The following TMEM132D variants were observed in gnomAD, a reference collection of about 807,000 sequenced individuals.
TMEM132D encodes transmembrane protein 132D.
TMEM132D carries 21 observed loss-of-function variants against 62.3 expected under a neutral mutation model. The ratio of observed to expected loss-of-function variants is 0.34; its 90% CI spans 0.24 to 0.49. The LOEUF (loss-of-function observed/expected upper bound fraction) is 0.49, where lower values mean the gene tolerates loss of function less well. Among genes scored for constraint, TMEM132D ranks in the 20% least tolerant of loss-of-function variants. The pLI is 0.99. For missense variants in TMEM132D, 1,346 were observed against 1,402.8 expected (o/e 0.96, Z 0.65); for synonymous variants, 621 against 575.6 (o/e 1.08, Z -1.13).
chr12:129,080,386 A>G (rs1168323373), intron 7 of TMEM132D, among the ~76,000 whole-genome samples: 1 of 152,198 alleles, frequency 6.6e-6, no homozygotes, highest in Non-Finnish European at 1.5e-5. Flanking sequence ...CTTTCAGCAC[A>G]CACCCAGCCT....
At chr12:129,534,516 GT>G (rs1321513301) in intron 2 of TMEM132D, among the ~76,000 whole-genome samples, 5 of 152,074 alleles carry the variant, frequency 3.3e-5, no homozygotes, top group Non-Finnish European at 7.4e-5. Flanking sequence ...CACACACAGA[GT>G]TTCAAGTACA....
At chr12:129,518,918 A>G (rs1260921175) in intron 3 of TMEM132D, among the ~76,000 whole-genome samples, 1 of 152,212 alleles carries the variant, frequency 6.6e-6, no homozygotes, top group African/African-American at 2.4e-5. Flanking sequence ...AAAAATTTTA[A>G]TGAAGGTTGG....
At chr12:129,088,304 A>C (rs865896963) in intron 5 of TMEM132D, among the ~76,000 whole-genome samples, 5 of 30,780 alleles carry the variant, frequency 1.6e-4, no homozygotes, top group Non-Finnish European at 2.6e-4. Context: ...GGTGTCCTCC[A>C]TGACCGGGTG....
rs879262670 is a variant in TMEM132D at position 129,491,953 on chromosome 12, A to AAAAT, written c.1115+39105_1115+39106insATTT. Among the ~76,000 whole-genome samples, 426 of 151,678 alleles carry AAAAT rather than the reference A, an allele frequency of 2.8e-3. 1 individual carries two copies. The highest frequency in any genetic ancestry group is 9.8e-3 in the African/African-American group (406 of 41,280). ...TGAGATTCTGTCTCAAAAAAAAAAA[A>AAAAT]TTGCTTATTGGAAAGCTATCTCTAA... is the stretch of plus-strand genomic sequence containing the variant. On this transcript the variant is annotated intron_variant, in intron 3 of 8. Transcript: ENST00000422113.
At chr12:129,612,844 C>T (rs1428619851) in intron 2 of TMEM132D, among the ~76,000 whole-genome samples, 3 of 152,132 alleles carry the variant, frequency 2.0e-5, no homozygotes, top group Non-Finnish European at 2.9e-5. Context: ...TCCAGCCTGG[C>T]GACAGAGCGA....
At chr12:129,081,625 A>ATTTC in intron 7 of TMEM132D, 134 bp downstream of exon 7, 2 of 1,322,242 alleles carry the variant, frequency 1.5e-6, no homozygotes, top group Non-Finnish European at 1.0e-6. Context: ...TTACTCCACA[A>ATTTC]TTTCTTTGAA....
At position 129,196,223 on chromosome 12, in the gene TMEM132D, G is replaced by T. The variant is rs961264531; in HGVS notation, c.1443+13297C>A. Among the ~76,000 whole-genome samples, 3 of 152,196 alleles carry T rather than the reference G, an allele frequency of 2.0e-5. No homozygotes were observed. In the South Asian group the frequency reaches 6.2e-4, roughly 32 times the overall value. On this transcript the variant is annotated intron_variant, in intron 5 of 8. Coordinates refer to ENST00000422113, the MANE Select transcript of TMEM132D (RefSeq NM_133448.3). ...TTTAAATCCATGCAATTTGACTCAGGAGCTAAATGCTTAAGCAGCATGTTA... is the reference window on the plus strand; with the variant it reads ...TTTAAATCCATGCAATTTGACTCAGTAGCTAAATGCTTAAGCAGCATGTTA...
intron 5 of TMEM132D, chr12:129,086,092 C>A (rs562374094): frequency 6.6e-6 from 1 of 152,358 alleles, no homozygotes; most frequent in South Asian, 2.1e-4. Context: ...GGTACAACTG[C>A]ATCACTCTAG....
chr12:129,638,992 A>G (rs751763574), intron 2 of TMEM132D, among the ~76,000 whole-genome samples: 3 of 152,318 alleles, frequency 2.0e-5, no homozygotes, highest in Non-Finnish European at 4.4e-5. Flanking sequence ...TACATTTCCA[A>G]CCATCAAGAT....
intron 5 of TMEM132D, among the ~76,000 whole-genome samples, chr12:129,144,141 G>A (rs992083545): frequency 3.3e-5 from 5 of 152,016 alleles, no homozygotes; most frequent in African/African-American, 1.2e-4. Flanking sequence ...AATGAAGTAA[G>A]GTAGGGAGAA....
At chr12:129,875,223 G>A (rs1874376601) in intron 1 of TMEM132D, among the ~76,000 whole-genome samples, 1 of 152,204 alleles carries the variant, frequency 6.6e-6, no homozygotes, top group South Asian at 2.1e-4. Flanking sequence ...AAGTGCGCAA[G>A]GTCGTGGCTT....
At chr12:129,677,468 C>G (rs367931025) in intron 2 of TMEM132D, among the ~76,000 whole-genome samples, 2 of 152,204 alleles carry the variant, frequency 1.3e-5, no homozygotes, top group Admixed American at 1.3e-4. Flanking sequence ...GGCATGAGAA[C>G]AGACTGATAC....
intron 1 of TMEM132D, among the ~76,000 whole-genome samples, chr12:129,839,117 A>ATTTTTGTTT (rs1873098318): frequency 4.8e-5 from 1 of 20,712 alleles, no homozygotes; most frequent in African/African-American, 1.8e-4. Flanking sequence ...CGCCTGGCTA[A>ATTTTTGTTT]TTTTTTTTTT....
At chr12:129,869,754 G>A (rs969613219) in intron 1 of TMEM132D, among the ~76,000 whole-genome samples, 2 of 152,164 alleles carry the variant, frequency 1.3e-5, no homozygotes, top group Non-Finnish European at 2.9e-5. Flanking sequence ...ATCAAGTGGA[G>A]ATTTACGTAA....
chr12:129,874,834 G>A (rs1414752816), intron 1 of TMEM132D, among the ~76,000 whole-genome samples: 1 of 151,800 alleles, frequency 6.6e-6, no homozygotes, highest in Non-Finnish European at 1.5e-5. Flanking sequence ...CCGAATAGCT[G>A]GGATTACAGG....
chr12:129,227,699 T>C (rs1879519168), intron 4 of TMEM132D, among the ~76,000 whole-genome samples: 1 of 151,944 alleles, frequency 6.6e-6, no homozygotes, highest in Non-Finnish European at 1.5e-5. Context: ...GCTGCACCCA[T>C]TAACTCATCA....
At chr12:129,847,410 G>C (rs142796618) in intron 1 of TMEM132D, among the ~76,000 whole-genome samples, 138 of 152,298 alleles carry the variant, frequency 9.1e-4, no homozygotes, top group African/African-American at 3.2e-3. Context: ...TCACTCTGAG[G>C]CTTTTTCCTC....
At chr12:129,826,863 AC>A (rs1278065293) in intron 1 of TMEM132D, among the ~76,000 whole-genome samples, 3 of 152,190 alleles carry the variant, frequency 2.0e-5, no homozygotes, top group African/African-American at 7.2e-5. Flanking sequence ...GAAAAAAAGT[AC>A]AAAAGGAAAA....
intron 1 of TMEM132D, among the ~76,000 whole-genome samples, chr12:129,842,513 G>C (rs749764611): frequency 1.6e-4 from 25 of 152,052 alleles, no homozygotes; most frequent in African/African-American, 6.0e-4. Context: ...CTGTTTCCCA[G>C]GCTGGAGTGC....
Sources: allele counts gnomAD v4.1 joint callset (sites outside exome capture counted in the v4.1 genomes callset), GRCh38; gene constraint gnomAD v4.1.1; transcripts MANE v1.5; gene names NCBI Gene and HGNC (gene_info 2026-07-23, HGNC 2026-07-21).